Variants in ERBB4 observed in about 807,000 individuals in gnomAD.
ERBB4 encodes the protein erb-b2 receptor tyrosine kinase 4.
ERBB4 carries 42 observed loss-of-function variants against 158.0 expected under a neutral mutation model. The ratio of observed to expected loss-of-function variants is 0.27; its 90% CI spans 0.21 to 0.34. ERBB4 has a LOEUF of 0.34. ERBB4 is among the 10% of genes least tolerant of loss of function. The probability of loss-of-function intolerance (pLI) is 1.00; values close to 1 mark genes in which losing one functional copy is unlikely to be tolerated. For synonymous variants in ERBB4, 583 were observed against 558.7 expected, an observed-to-expected ratio of 1.04 and a Z score of -0.61; for missense variants, 1,333 against 1,624.1, an observed-to-expected ratio of 0.82 and a Z score of 3.08.
At chr2:212,288,901 T>C (rs2086102834) in intron 1 of ERBB4, among the ~76,000 whole-genome samples, 1 of 152,072 alleles carries the variant, frequency 6.6e-6, no homozygotes, top group African/African-American at 2.4e-5. Flanking sequence ...GACATTTTTC[T>C]AGATGCAGAT....
At chr2:211,434,616 AT>A (rs1288371596) in intron 20 of ERBB4, among the ~76,000 whole-genome samples, 2 of 152,218 alleles carry the variant, frequency 1.3e-5, no homozygotes, top group Non-Finnish European at 2.9e-5. Context: ...TACAAGAAAA[AT>A]TTCAAAAACT....
intron 3 of ERBB4, among the ~76,000 whole-genome samples, chr2:211,843,551 A>G (rs1352082092): frequency 1.4e-5 from 2 of 147,674 alleles, no homozygotes; most frequent in Non-Finnish European, 3.0e-5. Flanking sequence ...GAAGAGAAAA[A>G]TTTAAAAGAT....
intron 1 of ERBB4, among the ~76,000 whole-genome samples, chr2:212,326,550 C>T (rs1199495444): frequency 2.0e-5 from 3 of 150,736 alleles, no homozygotes; most frequent in African/African-American, 7.3e-5. Flanking sequence ...CATATTTTCG[C>T]ATCACATGGA....
intron 1 of ERBB4, among the ~76,000 whole-genome samples, chr2:212,221,303 T>G (rs2083283419): frequency 6.6e-6 from 1 of 151,592 alleles, no homozygotes; most frequent in Non-Finnish European, 1.5e-5. Context: ...AATATGTAAC[T>G]TTCATCAATA....
intron 1 of ERBB4, among the ~76,000 whole-genome samples, chr2:212,294,545 C>G (rs2086337718): frequency 6.6e-6 from 1 of 151,890 alleles, no homozygotes; most frequent in African/African-American, 2.4e-5. Flanking sequence ...TTCTTACTAG[C>G]TATTGTCAAT....
chr2:212,088,808 C>CA (rs2078690297), intron 2 of ERBB4, among the ~76,000 whole-genome samples: 1 of 152,016 alleles, frequency 6.6e-6, no homozygotes, highest in Non-Finnish European at 1.5e-5. Context: ...ATTACAAATA[C>CA]AAAAATGGTT....
In ERBB4 at chr2:212,420,072, T is replaced by C. The variant is rs183173987; in HGVS notation, c.82+118377A>G. On this transcript the variant is annotated intron_variant, in intron 1 of 27. Coordinates refer to ENST00000342788, the MANE Select transcript of ERBB4 (RefSeq NM_005235.3). ...GCTTTCATAAAAGGTGCTGAGAATA[T>C]GACACATTCATGCCTTTCTTTAATA... 5.9e-5 allele frequency among the ~76,000 whole-genome samples: 9 copies of C among 152,198 alleles called. No individual in the cohort carries two copies. In the East Asian group the frequency reaches 1.5e-3, roughly 26 times the overall value.
At chr2:212,164,444 A>C (rs894032918) in intron 1 of ERBB4, among the ~76,000 whole-genome samples, 9 of 152,016 alleles carry the variant, frequency 5.9e-5, no homozygotes, top group African/African-American at 2.2e-4. Flanking sequence ...TGGCCTTCAT[A>C]TTTCTAATGA....
At chr2:211,594,254 C>A (rs369016042) in intron 19 of ERBB4, among the ~76,000 whole-genome samples, 3 of 151,940 alleles carry the variant, frequency 2.0e-5, no homozygotes, top group Non-Finnish European at 4.4e-5. Flanking sequence ...CTGGGCAACA[C>A]GGTGAAACCT....
chr2:211,525,823 C>G (rs2066331758), intron 20 of ERBB4, among the ~76,000 whole-genome samples: 1 of 152,082 alleles, frequency 6.6e-6, no homozygotes, highest in South Asian at 2.1e-4. Flanking sequence ...CCCCATGGGC[C>G]TGTAGTGGTG....
At chr2:211,521,553 C>G (rs1054362832) in intron 20 of ERBB4, among the ~76,000 whole-genome samples, 1 of 152,134 alleles carries the variant, frequency 6.6e-6, no homozygotes, top group African/African-American at 2.4e-5. Flanking sequence ...TCCAGAAGAT[C>G]TAGCTAAGAT....
intron 1 of ERBB4, among the ~76,000 whole-genome samples, chr2:212,380,285 T>A (rs9917339): frequency 0.57 from 85,660 of 150,160 alleles, 25,496 homozygotes; most frequent in African/African-American, 0.73. Flanking sequence ...CTAATAAAGT[T>A]AAAAAAACTA....
intron 1 of ERBB4, among the ~76,000 whole-genome samples, chr2:212,297,134 C>G (rs2086442599): frequency 6.6e-6 from 1 of 151,950 alleles, no homozygotes; most frequent in African/African-American, 2.4e-5. Flanking sequence ...TTTAGGACTA[C>G]TATCATTTAT....
At chr2:211,987,330 C>CAAAAAAACAAAAAAA (rs2081963553) in intron 2 of ERBB4, among the ~76,000 whole-genome samples, 1 of 56,200 alleles carries the variant, frequency 1.8e-5, no homozygotes, top group African/African-American at 4.3e-5. Context: ...CAAGAAAAGA[C>CAAAAAAACAAAAAAA]AAAAAAAAAA....
At chr2:212,060,896 G>T (rs991021800) in intron 2 of ERBB4, among the ~76,000 whole-genome samples, 1 of 150,212 alleles carries the variant, frequency 6.7e-6, no homozygotes, top group South Asian at 2.1e-4. Flanking sequence ...CCAACATGGC[G>T]CCTGTATACA....
chr2:211,541,559 C>A (rs927228742), intron 20 of ERBB4, among the ~76,000 whole-genome samples: 2 of 151,980 alleles, frequency 1.3e-5, no homozygotes, highest in African/African-American at 2.4e-5. Context: ...AAGCTCAACC[C>A]TGGGGAAAAA....
At chr2:212,038,186 C>A (rs1479784144) in intron 2 of ERBB4, among the ~76,000 whole-genome samples, 2 of 151,782 alleles carry the variant, frequency 1.3e-5, no homozygotes, top group African/African-American at 4.8e-5. Context: ...GGAGAATTCC[C>A]AAATATTTCC....
At chr2:211,459,326 C>T (rs1048874273) in intron 20 of ERBB4, among the ~76,000 whole-genome samples, 3 of 152,170 alleles carry the variant, frequency 2.0e-5, no homozygotes, top group Non-Finnish European at 4.4e-5. Context: ...ATTTGAACGC[C>T]TCATGTTTCT....
intron 3 of ERBB4, among the ~76,000 whole-genome samples, chr2:211,865,382 T>C (rs1332173414): frequency 6.6e-6 from 1 of 152,174 alleles, no homozygotes; most frequent in African/African-American, 2.4e-5. Flanking sequence ...CCAACTTATT[T>C]CTTGGAGCAG....
Sources: gnomAD v4.1 joint callset for allele counts (sites outside exome capture counted in the v4.1 genomes callset) on GRCh38, gnomAD v4.1.1 for gene constraint, MANE v1.5 for transcripts, NCBI Gene and HGNC (gene_info 2026-07-23, HGNC 2026-07-21) for gene names.